Variants in CFAP92 observed in about 807,000 individuals in gnomAD.
CFAP92 encodes the protein uncharacterized protein CFAP92.
In CFAP92, 86 loss-of-function variants were observed where a neutral mutation model predicts 106.3. The observed-to-expected ratio is 0.81, with a 90% CI of 0.68 to 0.97. The LOEUF (loss-of-function observed/expected upper bound fraction) is 0.97. Ranked by LOEUF, CFAP92 falls within the 50% of genes least tolerant of loss-of-function variation. The pLI is 0.00. For synonymous variants in CFAP92, 477 were observed against 506.4 expected, an observed-to-expected ratio of 0.94 and a Z score of 0.78; for missense variants, 1,204 against 1,283.8, an observed-to-expected ratio of 0.94 and a Z score of 0.95.
At chr3:128,966,575 T>TC (rs1412490462) in intron 8 of CFAP92, 1 of 150,990 alleles carries the variant, frequency 6.6e-6, no homozygotes, top group African/African-American at 2.4e-5. Context: ...TTTCTTTTTT[T>TC]TTTTTTTTTT....
chr3:129,019,925 C>T, the CFAP92 span, among the ~76,000 whole-genome samples: 4 of 151,898 alleles, frequency 2.6e-5, no homozygotes, highest in Non-Finnish European at 4.4e-5. Flanking sequence ...CCCACCACCA[C>T]GCCCGGCTAA....
Position 128,994,071 on chromosome 3 carries a change from A to T in CFAP92, c.-124T>A. On this transcript the variant is annotated 5_prime_UTR_variant, in exon 1 of 16. Coordinates refer to ENST00000645291, the MANE Select transcript of CFAP92 (RefSeq NM_001394090.1). The stretch of plus-strand genomic sequence containing the variant: ...ACAGCCACCTGGGCGAAGAGACTCC[A>T]AGACTGAGAGGAGCGTCCGCCGGTG... 2.0e-6 allele frequency: 2 copies of T among 986,046 alleles called. No individual in the cohort carries two copies. Among genetic ancestry groups the T allele is most frequent in the Non-Finnish European group, 2.4e-6 (2 of 830,152 alleles). 61.1% of individuals were successfully genotyped at this position (986,046 alleles called of 1,614,324 possible).
At chr3:128,927,532 TAACATGGTG>T (rs1937809155) in intron 12 of CFAP92, among the ~76,000 whole-genome samples, 1 of 151,758 alleles carries the variant, frequency 6.6e-6, no homozygotes, top group Non-Finnish European at 1.5e-5. Flanking sequence ...CCATCCTGGC[TAACATGGTG>T]AAACCCTGTC....
intron 9 of CFAP92, among the ~76,000 whole-genome samples, chr3:128,960,193 C>T (rs9868940): frequency 0.037 from 5,637 of 152,330 alleles, 273 homozygotes; most frequent in African/African-American, 0.11. Flanking sequence ...GTGAAATAAA[C>T]AGCCATGTTG....
upstream of CFAP92, chr3:129,003,888 T>A (rs1365657976): frequency 1.1e-5 from 15 of 1,392,214 alleles, no homozygotes; most frequent in Non-Finnish European, 1.4e-5. Context: ...CAGGGCGCCC[T>A]GGCTGCGGCG....
In CFAP92 at chr3:128,918,940, ATT is replaced by A. The variant is rs10573280; in HGVS notation, c.2752-2671_2752-2670del. Among the ~76,000 whole-genome samples, 835 of 105,836 alleles carry A rather than the reference ATT, an allele frequency of 7.9e-3. 8 individuals carry two copies. Among genetic ancestry groups the A allele is most frequent in the East Asian group, 0.026 (84 of 3,228 alleles). 69.4% of individuals were successfully genotyped at this position (105,836 alleles called of 152,430 possible). ...TGCCAATTAAAGAATCTCAGATTGGATTTTTTTTTTTTTTTTTTTTTTTTGAG... is the reference window on the plus strand; with the variant it reads ...TGCCAATTAAAGAATCTCAGATTGGATTTTTTTTTTTTTTTTTTTTTTGAG... On this transcript the variant is annotated intron_variant, in intron 12 of 15. Transcript: ENST00000645291.
intron 8 of CFAP92, chr3:128,969,928 T>A (rs1177947885): frequency 6.6e-6 from 1 of 152,174 alleles, no homozygotes; most frequent in Admixed American, 6.5e-5. Context: ...AAGGACAAGC[T>A]GTAGGTGAAG....
intron 1 of CFAP92, chr3:128,993,691 G>A: frequency 3.1e-6 from 1 of 324,056 alleles, no homozygotes; most frequent in Non-Finnish European, 6.0e-6. Flanking sequence ...AGGCAGGCCT[G>A]CTGCGCCTAA....
chr3:128,931,464 T>TAC (rs1938359162), intron 12 of CFAP92, among the ~76,000 whole-genome samples: 2 of 120,578 alleles, frequency 1.7e-5, no homozygotes, highest in Non-Finnish European at 3.2e-5. Context: ...TATATATATA[T>TAC]ACACATACAT....
exon 1 of CFAP92, chr3:129,002,676 T>G (rs1410175290): frequency 1.1e-5 from 3 of 285,308 alleles, no homozygotes; most frequent in African/African-American, 4.4e-5. Context: ...ACAAGCATCT[T>G]TCTCTCTCCT....
upstream of CFAP92, among the ~76,000 whole-genome samples, chr3:129,005,738 A>C (rs1400030192): frequency 2.0e-5 from 3 of 152,304 alleles, no homozygotes; most frequent in East Asian, 5.8e-4. Context: ...CACAGCTGGG[A>C]GATGGTAAGG....
At chr3:128,911,840 C>G (rs1936363275) in intron 15 of CFAP92, among the ~76,000 whole-genome samples, 1 of 152,256 alleles carries the variant, frequency 6.6e-6, no homozygotes, top group Admixed American at 6.5e-5. Context: ...CCCCTTTACC[C>G]ACTGTACTCC....
chr3:128,983,617 G>C (rs182482664), intron 4 of CFAP92, among the ~76,000 whole-genome samples: 1 of 152,280 alleles, frequency 6.6e-6, no homozygotes, highest in Admixed American at 6.5e-5. Flanking sequence ...GATGAAAGAC[G>C]CTACAAGAAA....
Position 128,924,297 on chromosome 3 carries a change from C to T in CFAP92, c.2752-8026G>A, listed in dbSNP as rs1370392649. On this transcript the variant is annotated intron_variant, in intron 12 of 15. Coordinates refer to ENST00000645291, the MANE Select transcript of CFAP92 (RefSeq NM_001394090.1). ...CTGCCCTGCTGCACCACAATCTAAG[C>T]CCAGGGCACAAAACCCCTCATGGCT... Among the ~76,000 whole-genome samples the T allele has an allele frequency of 3.9e-5, 6 of 151,952 alleles. No individual in the cohort carries two copies. In the South Asian group the frequency reaches 8.3e-4, roughly 21 times the overall value.
chr3:128,958,029 G>A (rs1941581627), intron 9 of CFAP92, among the ~76,000 whole-genome samples: 1 of 152,136 alleles, frequency 6.6e-6, no homozygotes, highest in Non-Finnish European at 1.5e-5. Flanking sequence ...TTCTCTGTGT[G>A]TCACTTTGCA....
In CFAP92 at chr3:128,909,929, G is replaced by GACTA. The variant is rs986928784; in HGVS notation, c.*366_*369dup. ...CTCCACTTTCTCAAGGAACACAGGA[G>GACTA]ACTAAGACAGGCAAAGATGCAGCCC... is the stretch of plus-strand genomic sequence containing the variant. On this transcript the variant is annotated 3_prime_UTR_variant, in exon 16 of 16. Coordinates refer to ENST00000645291, the MANE Select transcript of CFAP92 (RefSeq NM_001394090.1). The GACTA allele has an allele frequency of 1.3e-6, 2 of 1,558,626 alleles. No homozygotes were observed. The highest frequency in any genetic ancestry group is 1.7e-6 in the Non-Finnish European group (2 of 1,144,352).
chr3:128,939,978 G>T, intron 10 of CFAP92, among the ~76,000 whole-genome samples: 1 of 152,220 alleles, frequency 6.6e-6, no homozygotes, highest in Non-Finnish European at 1.5e-5. Context: ...TGGCCTAGGG[G>T]TTGGAGACGC....
the CFAP92 span, among the ~76,000 whole-genome samples, chr3:129,016,287 G>A: frequency 6.6e-6 from 1 of 152,104 alleles, no homozygotes; most frequent in Non-Finnish European, 1.5e-5. Context: ...GGTCTGGGTG[G>A]GCTTCAAGAG....
Position 128,975,886 on chromosome 3 carries a change from GT to G in CFAP92, c.913del (p.Thr305HisfsTer11). ...SSTIQWSVSR[T>X]PTISLAGASM... ...TGCTCCTGCCAAAGAAATGGTTGGT[GT>G]TCTTGAAACACTCCATCTAGAAAAT... is the stretch of plus-strand genomic sequence containing the variant. On this transcript the variant is annotated frameshift_variant, in exon 7 of 16. Coordinates refer to ENST00000645291, the MANE Select transcript of CFAP92 (RefSeq NM_001394090.1). LOFTEE classifies it high-confidence loss of function. 1 of 1,608,512 alleles carries G rather than the reference GT, an allele frequency of 6.2e-7. No homozygotes were observed. The highest frequency in any genetic ancestry group is 1.7e-4 in the Middle Eastern group (1 of 6,048).
Sources: allele counts gnomAD v4.1 joint callset (sites outside exome capture counted in the v4.1 genomes callset), GRCh38; gene constraint gnomAD v4.1.1; transcripts MANE v1.5; gene names NCBI Gene and HGNC (gene_info 2026-07-23, HGNC 2026-07-21).